The following DLGAP4 variants were observed in gnomAD, a reference collection of about 807,000 sequenced individuals.
The protein encoded by DLGAP4 is DLG associated protein 4.
In DLGAP4, 18 loss-of-function variants were observed where a neutral mutation model predicts 86.9. The ratio of observed to expected loss-of-function variants is 0.21; its 90% CI spans 0.14 to 0.31. The LOEUF is 0.31. Ranked by LOEUF, DLGAP4 falls within the 10% of genes least tolerant of loss-of-function variation. The pLI, the probability that DLGAP4 is intolerant of heterozygous loss-of-function variation, is 1.00. For missense variants in DLGAP4, 1,085 were observed against 1,362.6 expected (o/e 0.80, Z 3.21); for synonymous variants, 548 against 574.3 (o/e 0.95, Z 0.65).
At chr20:36,326,633 A>G (rs1198134191) in intron 1 of DLGAP4, among the ~76,000 whole-genome samples, 1 of 152,118 alleles carries the variant, frequency 6.6e-6, no homozygotes, top group Non-Finnish European at 1.5e-5. Context: ...ATAATCCTAT[A>G]TATTTACCCA....
chr20:36,371,713 A>G (rs913806241), intron 2 of DLGAP4, among the ~76,000 whole-genome samples: 1 of 152,024 alleles, frequency 6.6e-6, no homozygotes, highest in Non-Finnish European at 1.5e-5. Context: ...AGCTAAATTT[A>G]TTATTGCATA....
rs192058839 is a variant in DLGAP4, at chr20:36,435,175, C to T, written c.1000-934C>T. On this transcript the variant is annotated intron_variant, in intron 3 of 12. Coordinates refer to ENST00000339266, the MANE Select transcript of DLGAP4 (RefSeq NM_001365621.2). ...CTCACTGAGGGGCATGGGGCATATG[C>T]TTGTTCTGTACATTTTGAGATATGT... 1.2e-3 allele frequency among the ~76,000 whole-genome samples: 185 copies of T among 152,080 alleles called. 1 individual carries two copies. The highest frequency in any genetic ancestry group is 6.8e-3 in the Middle Eastern group (2 of 294).
intron 11 of DLGAP4, 97 bp downstream of exon 11, chr20:36,524,438 AAC>A (rs1398940603): frequency 6.0e-6 from 6 of 1,001,446 alleles, no homozygotes; most frequent in Non-Finnish European, 8.9e-6. Context: ...CCTCCTCTGT[AAC>A]ACACACAGCG....
At position 36,308,894 on chromosome 20, in the gene DLGAP4, T is replaced by A. The variant is rs1011570426; in HGVS notation, c.-304+2382T>A. 9.9e-5 allele frequency among the ~76,000 whole-genome samples: 15 copies of A among 152,174 alleles called. No homozygotes were observed. The highest frequency in any genetic ancestry group is 6.2e-4 in the South Asian group (3 of 4,820). ...AAATCTTGAATGCAGGGTTTTTTTTTATAGAAAGTACACAGTAGGTACTCA... is the reference window on the plus strand; with the variant it reads ...AAATCTTGAATGCAGGGTTTTTTTTAATAGAAAGTACACAGTAGGTACTCA... On this transcript the variant is annotated intron_variant, in intron 1 of 12. Coordinates refer to ENST00000339266, the MANE Select transcript of DLGAP4 (RefSeq NM_001365621.2). This position sits in a 1 kb window ranked among gnomAD's most constrained non-coding sequence, Gnocchi z 4.5.
intron 7 of DLGAP4, among the ~76,000 whole-genome samples, chr20:36,455,482 C>T (rs2033856553): frequency 6.6e-6 from 1 of 152,206 alleles, no homozygotes; most frequent in African/African-American, 2.4e-5. Context: ...CAGGCACACA[C>T]ACTTGGGCTC....
intron 2 of DLGAP4, among the ~76,000 whole-genome samples, chr20:36,395,850 T>C (rs1407903789): frequency 1.3e-5 from 2 of 152,068 alleles, no homozygotes; most frequent in Non-Finnish European, 2.9e-5. Flanking sequence ...TGGTCACACA[T>C]ATTTGATCGC....
chr20:36,446,653 G>A, intron 6 of DLGAP4, 44 bp from the exon 7 acceptor site: 1 of 1,555,736 alleles, frequency 6.4e-7, no homozygotes, highest in Non-Finnish European at 8.7e-7. Context: ...CCCCCAGGAT[G>A]GGCAAGATAG....
At chr20:36,409,712 CAAA>C (rs569430649) in intron 2 of DLGAP4, among the ~76,000 whole-genome samples, 1 of 128,760 alleles carries the variant, frequency 7.8e-6, no homozygotes. Context: ...AAGACTGTCT[CAAA>C]AAAAAAAAAA....
chr20:36,396,594 A>C (rs1218897698), intron 2 of DLGAP4, among the ~76,000 whole-genome samples: 2 of 147,704 alleles, frequency 1.4e-5, no homozygotes, highest in Non-Finnish European at 3.0e-5. Context: ...CACCAGACAC[A>C]CACACGCACG....
intron 1 of DLGAP4, among the ~76,000 whole-genome samples, chr20:36,320,353 C>CGA: frequency 6.6e-6 from 1 of 151,938 alleles, no homozygotes; most frequent in East Asian, 1.9e-4. Context: ...TGTGCCTGGC[C>CGA]GACATTCAAG....
intron 7 of DLGAP4, among the ~76,000 whole-genome samples, chr20:36,485,276 G>T (rs182267477): frequency 4.9e-4 from 74 of 150,944 alleles, no homozygotes; most frequent in African/African-American, 1.7e-3. Flanking sequence ...AGCTACTTGG[G>T]AGACTGAGGT....
chr20:36,442,177 A>AT (rs1392166449), intron 5 of DLGAP4, among the ~76,000 whole-genome samples: 2 of 152,168 alleles, frequency 1.3e-5, no homozygotes, highest in Non-Finnish European at 1.5e-5. Context: ...CAGGGCCCAG[A>AT]CCTAAAGAAG....
At chr20:36,370,908 A>T (rs2030903318) in intron 2 of DLGAP4, among the ~76,000 whole-genome samples, 1 of 152,262 alleles carries the variant, frequency 6.6e-6, no homozygotes, top group Non-Finnish European at 1.5e-5. Context: ...AACTCACTGG[A>T]TGGGGGGCCA....
chr20:36,354,067 C>A (rs1254337447), intron 1 of DLGAP4, among the ~76,000 whole-genome samples: 1 of 152,188 alleles, frequency 6.6e-6, no homozygotes, highest in East Asian at 1.9e-4. Context: ...TGGGGATGGC[C>A]GTAGGAAGGA....
At chr20:36,510,022 A>T (rs749936488) in intron 10 of DLGAP4, among the ~76,000 whole-genome samples, 1 of 151,114 alleles carries the variant, frequency 6.6e-6, no homozygotes, top group African/African-American at 2.4e-5. Context: ...ACGCCCCACT[A>T]ATTTTGTATT....
At chr20:36,463,968 G>T (rs2034221159) in intron 7 of DLGAP4, among the ~76,000 whole-genome samples, 2 of 152,322 alleles carry the variant, frequency 1.3e-5, no homozygotes, top group South Asian at 4.1e-4. Context: ...CCTGTTCCAT[G>T]GCACTGCCTT....
At position 36,446,689 on chromosome 20, in the gene DLGAP4, C is replaced by G. The variant is rs751000071; in HGVS notation, c.1408-8C>G. 1.3e-6 allele frequency: 2 copies of G among 1,591,750 alleles called. No homozygotes were observed. The highest frequency in any genetic ancestry group is 4.5e-5 in the East Asian group (2 of 44,300). On this transcript the variant is annotated splice_region_variant and splice_polypyrimidine_tract_variant and intron_variant, in intron 6 of 12. Coordinates refer to ENST00000339266, the MANE Select transcript of DLGAP4 (RefSeq NM_001365621.2). ...CCAGCTCCCTCATGCCTGCCTTTGCCTGGACAGGTACGGGAGGCAGAGCTG... is the reference window on the plus strand; with the variant it reads ...CCAGCTCCCTCATGCCTGCCTTTGCGTGGACAGGTACGGGAGGCAGAGCTG...
intron 1 of DLGAP4, among the ~76,000 whole-genome samples, chr20:36,310,182 AAG>A (rs1367613925): frequency 1.3e-3 from 1 of 750 alleles, no homozygotes; most frequent in Non-Finnish European, 3.0e-3. Flanking sequence ...AAAAAAAAAA[AAG>A]AAAGAAAGAA....
chr20:36,497,430 C>CGTT, intron 8 of DLGAP4: 2 of 1,097,664 alleles, frequency 1.8e-6, no homozygotes, highest in Non-Finnish European at 2.2e-6. Flanking sequence ...ACTGGCCTAA[C>CGTT]AGTTCTCTAA....
Sources: gnomAD v4.1 joint callset for allele counts (sites outside exome capture counted in the v4.1 genomes callset) on GRCh38, gnomAD v4.1.1 for gene constraint, Gnocchi (gnomAD v3.1) non-coding constraint, MANE v1.5 for transcripts, NCBI Gene and HGNC (gene_info 2026-07-23, HGNC 2026-07-21) for gene names.